ATP5MC1: variants seen among roughly 807,000 people sequenced by gnomAD.
ATP5MC1 encodes the protein ATP synthase F(0) complex subunit C1, mitochondrial.
ATP5MC1 carries 4 observed loss-of-function variants against 12.1 expected under a neutral mutation model. The ratio of observed to expected loss-of-function variants is 0.33; its 90% CI spans 0.16 to 0.76. The LOEUF is 0.76. ATP5MC1 is among the 30% of genes least tolerant of loss of function. ATP5MC1 has a pLI of 0.61. For missense variants in ATP5MC1, 117 were observed against 172.1 expected (o/e 0.68, Z 1.79); for synonymous variants, 52 against 66.0 (o/e 0.79, Z 1.03).
Position 48,894,438 on chromosome 17 carries a change from T to A in ATP5MC1, c.106T>A (p.Ser36Thr). 1 of 1,613,226 alleles carries A rather than the reference T, an allele frequency of 6.2e-7. No homozygotes were observed. Residue 36 changes from serine (S) to threonine (T), a missense_variant, in exon 3 of 5, where the codon TCA (serine) becomes ACA (threonine). By Grantham distance (58) the Ser-to-Thr change is moderately conservative. Coordinates refer to ENST00000393366, the MANE Select transcript of ATP5MC1 (RefSeq NM_005175.3). ...SASFLNSPVN[S>T]SKQPSYSNFP... ...CTCCTTCTTGAATAGCCCAGTGAAT[T>A]CATCTAAACAGGTAAGGGAGGAATA... is the stretch of plus-strand genomic sequence containing the variant.
chr17:48,895,571 C>T (rs779501057), intron 4 of ATP5MC1, 84 bp from the exon 5 acceptor site: 42 of 1,353,832 alleles, frequency 3.1e-5, no homozygotes, highest in Non-Finnish European at 4.4e-5. Flanking sequence ...GAGTAACAGT[C>T]CCCATTCACC....
At chr17:48,894,266 T>C in intron 2 of ATP5MC1, 106 bp from the exon 3 acceptor site, 1 of 1,092,320 alleles carries the variant, frequency 9.2e-7, no homozygotes, top group East Asian at 2.4e-5. Context: ...TTGAAATACA[T>C]TGAACTTATT....
At chr17:48,894,568 G>A in intron 3 of ATP5MC1, 119 bp downstream of exon 3, 3 of 1,011,784 alleles carry the variant, frequency 3.0e-6, no homozygotes, top group Non-Finnish European at 4.5e-6. Flanking sequence ...AGTTGTTCAA[G>A]ACCAGCCTGG....
chr17:48,893,389 T>G lies in ATP5MC1; in HGVS notation c.-9-20T>G. 1 of 1,613,364 alleles carries G rather than the reference T, an allele frequency of 6.2e-7. No homozygotes were observed. The highest frequency in any genetic ancestry group is 2.2e-5 in the East Asian group (1 of 44,876). ...AGGGTCTCAGTGGGATTATTATTAC[T>G]ATTTTTTCCCCCTCTGCAGACTGAA... On this transcript the variant is annotated intron_variant, in intron 1 of 4. Coordinates refer to ENST00000393366, the MANE Select transcript of ATP5MC1 (RefSeq NM_005175.3).
At chr17:48,894,351 T>C (rs1401360645) in intron 2 of ATP5MC1, 21 bp from the exon 3 acceptor site, 2 of 1,613,138 alleles carry the variant, frequency 1.2e-6, no homozygotes, top group East Asian at 4.5e-5. Context: ...TTTGGTAGGA[T>C]GTGGCTTTCT....
chr17:48,894,127 G>A (rs1055786179), intron 2 of ATP5MC1: 4 of 459,490 alleles, frequency 8.7e-6, no homozygotes, highest in Admixed American at 3.6e-5. Context: ...GCTGATTAAA[G>A]CTGTGCCCAA....
In ATP5MC1 at chr17:48,893,430, G is replaced by A. The variant is rs770293630; in HGVS notation, c.13G>A (p.Gly5Arg). 2 of 1,613,840 alleles carry A rather than the reference G, an allele frequency of 1.2e-6. No homozygotes were observed. Among genetic ancestry groups the A allele is most frequent in the East Asian group, 2.2e-5 (1 of 44,902 alleles). The change falls in exon 2 of 5, where the codon GGG becomes AGG. Residue 5 changes from glycine to arginine, a missense_variant. Gly to Arg is a moderately radical substitution (Grantham distance 125). Transcript: ENST00000393366. MQTA[G>R]ALFISPALIR... ...GCAGACTGAAAAAATGCAGACCGCCGGGGCATTATTCATTTCTCCAGCTCT... is the reference window on the plus strand; with the variant it reads ...GCAGACTGAAAAAATGCAGACCGCCAGGGCATTATTCATTTCTCCAGCTCT...
At position 48,893,198 on chromosome 17, in the gene ATP5MC1, C is replaced by T. The variant is rs2040544944; in HGVS notation, c.-9-211C>T. ...TCCTTCCTGGGGCTTGGGCACATTT[C>T]CTTGACTTCCGATCTCCATGACTTT... On this transcript the variant is annotated intron_variant, in intron 1 of 4. Transcript: ENST00000393366. The T allele has an allele frequency of 9.4e-6, 5 of 532,306 alleles. No individual in the cohort carries two copies. The Admixed American group carries it at 1.6e-4, about 17-fold the overall frequency. 33.0% of individuals were successfully genotyped at this position (532,306 alleles called of 1,614,324 possible). A position where few individuals can be genotyped will look rare whatever the true frequency, so the allele number is the denominator to read the frequency against.
At chr17:48,895,457 G>C (rs781541496) in intron 4 of ATP5MC1, 123 bp downstream of exon 4, 303 of 1,415,632 alleles carry the variant, frequency 2.1e-4, no homozygotes, top group Non-Finnish European at 2.8e-4. Flanking sequence ...AGTTTCTCCA[G>C]AGAAAACATG....
intron 3 of ATP5MC1, 43 bp downstream of exon 3, chr17:48,894,492 G>T: frequency 1.3e-6 from 2 of 1,591,228 alleles, no homozygotes; most frequent in South Asian, 1.1e-5. Context: ...CCAAGGCCCA[G>T]GATGGTGGCT....
chr17:48,894,124 A>T lies in ATP5MC1; in HGVS notation c.40-248A>T, dbSNP rs1858457141. 6.6e-6 allele frequency: 3 copies of T among 454,108 alleles called. No homozygotes were observed. The Admixed American group carries it at 1.1e-4, about 17-fold the overall frequency. The allele number at this position is 454,108 out of a possible 1,614,324, so 28.1% of individuals were successfully genotyped here. A position where few individuals can be genotyped will look rare whatever the true frequency, so the allele number is the denominator to read the frequency against. ...CTTGTTCCATTCTGAGAAGCTGATT[A>T]AAGCTGTGCCCAAAGAAGTGAACTT... On this transcript the variant is annotated intron_variant, in intron 2 of 4. Coordinates refer to ENST00000393366, the MANE Select transcript of ATP5MC1 (RefSeq NM_005175.3).
At position 48,895,208 on chromosome 17, in the gene ATP5MC1, G is replaced by C. The variant is rs762793857; in HGVS notation, c.170G>C (p.Ser57Thr). 1 of 1,612,100 alleles carries C rather than the reference G, an allele frequency of 6.2e-7. No homozygotes were observed. The highest frequency in any genetic ancestry group is 1.3e-5 in the African/African-American group (1 of 74,882). Residue 57 changes from serine (S) to threonine (T), a missense_variant, in exon 4 of 5, where the codon AGT becomes ACT. Physicochemically the swap from Ser to Thr is moderately conservative, Grantham distance 58. Coordinates refer to ENST00000393366, the MANE Select transcript of ATP5MC1 (RefSeq NM_005175.3). ...LQVARREFQT[S>T]VVSRDIDTAA... Reference sequence around the variant, plus strand: ...GTGGCCAGACGGGAGTTCCAGACCAGTGTTGTCTCCCGGGACATTGACACA... The same window carrying C: ...GTGGCCAGACGGGAGTTCCAGACCACTGTTGTCTCCCGGGACATTGACACA...
At position 48,895,258 on chromosome 17, in the gene ATP5MC1, G is replaced by T. The variant is rs1373599446; in HGVS notation, c.220G>T (p.Ala74Ser). Residue 74 changes from alanine (A) to serine (S), a missense_variant, in exon 4 of 5, where the codon GCA becomes TCA. Coordinates refer to ENST00000393366, the MANE Select transcript of ATP5MC1 (RefSeq NM_005175.3). ...DTAAKFIGAG[A>S]ATVGVAGSGA... is the part of the protein sequence containing the mutation. ...AGCAGCCAAGTTTATTGGTGCTGGG[G>T]CAGCCACAGTTGGTGTGGCTGGTTC... The T allele has an allele frequency of 1.2e-6, 2 of 1,611,554 alleles. No homozygotes were observed. Among genetic ancestry groups the T allele is most frequent in the Non-Finnish European group, 1.7e-6 (2 of 1,177,888 alleles).
intron 2 of ATP5MC1, 51 bp from the exon 3 acceptor site, chr17:48,894,321 G>C (rs1264000164): frequency 1.9e-6 from 3 of 1,569,386 alleles, no homozygotes; most frequent in Non-Finnish European, 2.6e-6. Flanking sequence ...CAGCAATTAG[G>C]ATTTTTTTTC....
At position 48,895,670 on chromosome 17, in the gene ATP5MC1, G is replaced by A. The variant is rs904933951; in HGVS notation, c.312G>A (p.Lys104=). The A allele has an allele frequency of 6.2e-7, 1 of 1,613,710 alleles. No individual in the cohort carries two copies. The highest frequency in any genetic ancestry group is 1.3e-5 in the African/African-American group (1 of 74,852). ...TCCCTCCCAGGAACCCGTCTCTCAAGCAGCAGCTCTTCTCCTATGCCATTC... is the reference window on the plus strand; with the variant it reads ...TCCCTCCCAGGAACCCGTCTCTCAAACAGCAGCTCTTCTCCTATGCCATTC... ...IIGYARNPSL[K]QQLFSYAILG... is the part of the protein sequence containing the mutation. Residue 104 remains lysine (K), a synonymous_variant, in exon 5 of 5, where the codon AAG becomes AAA. Coordinates refer to ENST00000393366, the MANE Select transcript of ATP5MC1 (RefSeq NM_005175.3).
rs1466354563 is a variant in ATP5MC1, at chr17:48,894,740, G to A, written c.117+291G>A. The A allele has an allele frequency of 5.7e-6, 3 of 521,874 alleles. No individual in the cohort carries two copies. The Admixed American group carries it at 7.2e-5, about 12-fold the overall frequency. 32.3% of individuals were successfully genotyped at this position (521,874 alleles called of 1,614,324 possible). Reference sequence around the variant, plus strand: ...TATGCCACTGCACTCCAGACTGGGTGACAGAGCAAGACCCTGACTCATAAA... The same window carrying A: ...TATGCCACTGCACTCCAGACTGGGTAACAGAGCAAGACCCTGACTCATAAA... On this transcript the variant is annotated intron_variant, in intron 3 of 4. Coordinates refer to ENST00000393366, the MANE Select transcript of ATP5MC1 (RefSeq NM_005175.3).
Position 48,895,348 on chromosome 17 carries a change from G to C in ATP5MC1, c.296+14G>C, listed in dbSNP as rs1047930050. On this transcript the variant is annotated intron_variant, in intron 4 of 4. Coordinates refer to ENST00000393366, the MANE Select transcript of ATP5MC1 (RefSeq NM_005175.3). The stretch of plus-strand genomic sequence containing the variant: ...TGGCTATGCCAGGTAAGTTTGGGTG[G>C]TCTACAGCATCTCCCACTGTAAATT... The C allele has an allele frequency of 1.3e-6, 2 of 1,576,058 alleles. No homozygotes were observed. Among genetic ancestry groups the C allele is most frequent in the African/African-American group, 2.7e-5 (2 of 74,386 alleles).
chr17:48,893,616 G>A, intron 2 of ATP5MC1, 160 bp downstream of exon 2: 2 of 791,636 alleles, frequency 2.5e-6, no homozygotes, highest in East Asian at 2.7e-5. Flanking sequence ...ATCTGGGCCT[G>A]TGAACCAAGC....
intron 2 of ATP5MC1, chr17:48,893,737 G>A (rs2040549808): frequency 5.8e-6 from 3 of 518,748 alleles, no homozygotes; most frequent in Non-Finnish European, 1.0e-5. Context: ...GTGGCTGCAC[G>A]TTAGAATCAT....
Sources: gnomAD v4.1 joint callset for allele counts on GRCh38, gnomAD v4.1.1 for gene constraint, MANE v1.5 for transcripts, NCBI Gene and HGNC (gene_info 2026-07-23, HGNC 2026-07-21) for gene names.